CELF2: variants seen among roughly 807,000 people sequenced by gnomAD.
CELF2 encodes CUG triplet repeat RNA-binding protein 2.
CELF2 carries 8 observed loss-of-function variants against 62.6 expected under a neutral mutation model. That is an observed-to-expected ratio of 0.13 (90% confidence interval 0.07 to 0.23). The LOEUF is 0.23. Among genes scored for constraint, CELF2 ranks in the 10% least tolerant of loss-of-function variants. The pLI is 1.00. For synonymous variants in CELF2, 258 were observed against 250.0 expected, an observed-to-expected ratio of 1.03 and a Z score of -0.30; for missense variants, 333 against 671.0, an observed-to-expected ratio of 0.50 and a Z score of 5.56.
intron 1 of CELF2, among the ~76,000 whole-genome samples, chr10:11,061,986 A>T (rs1389595507): frequency 6.6e-6 from 1 of 152,126 alleles, no homozygotes; most frequent in African/African-American, 2.4e-5. Flanking sequence ...GTAATTTTGT[A>T]TTTTTAGTAG....
chr10:10,897,430 T>G (rs765976848), intron 1 of CELF2, among the ~76,000 whole-genome samples: 7 of 152,190 alleles, frequency 4.6e-5, no homozygotes, highest in Non-Finnish European at 8.8e-5. Context: ...TGTTTTCTCC[T>G]TATTGCTTAT....
At chr10:11,014,898 G>A (rs138011209), upstream of CELF2, among the ~76,000 whole-genome samples, 121 of 152,250 alleles carry the variant, frequency 7.9e-4, 2 homozygotes, top group Non-Finnish European at 1.5e-3. Flanking sequence ...AGAGCTTAAG[G>A]TTTTTCCACA....
the CELF2 span, among the ~76,000 whole-genome samples, chr10:10,610,106 A>C: frequency 6.6e-6 from 1 of 152,252 alleles, no homozygotes. Context: ...TAAGATAATT[A>C]GTTCAGGCTG....
chr10:10,676,885 C>G, the CELF2 span, among the ~76,000 whole-genome samples: 1 of 152,170 alleles, frequency 6.6e-6, no homozygotes, highest in Non-Finnish European at 1.5e-5. Context: ...CTTTTAGACT[C>G]TTAATAACCA....
chr10:11,222,730 C>T (rs1181221834), intron 3 of CELF2, among the ~76,000 whole-genome samples: 3 of 151,894 alleles, frequency 2.0e-5, no homozygotes, highest in South Asian at 2.1e-4. Flanking sequence ...AGTGAATGCC[C>T]GAATAAGTTA....
intron 1 of CELF2, among the ~76,000 whole-genome samples, chr10:11,142,063 A>G (rs922262900): frequency 1.3e-5 from 2 of 152,230 alleles, no homozygotes; most frequent in African/African-American, 4.8e-5. Context: ...TTGTTAAGTA[A>G]TACCTTAACC....
the CELF2 span, among the ~76,000 whole-genome samples, chr10:10,616,687 T>C: frequency 6.1e-5 from 8 of 132,222 alleles, no homozygotes; most frequent in African/African-American, 2.1e-4. Flanking sequence ...TGTGTGTGTG[T>C]GTGCGTGTGT....
At chr10:10,527,786 T>C in the CELF2 span, among the ~76,000 whole-genome samples, 1 of 152,206 alleles carries the variant, frequency 6.6e-6, no homozygotes, top group Non-Finnish European at 1.5e-5. Context: ...TTGACACCTT[T>C]GGAAGAAAAG....
At chr10:10,872,932 ACTTT>A (rs2060844932) in intron 1 of CELF2, among the ~76,000 whole-genome samples, 1 of 151,862 alleles carries the variant, frequency 6.6e-6, no homozygotes, top group Non-Finnish European at 1.5e-5. Context: ...TGGTTCCAGG[ACTTT>A]CTTTCTGGGT....
At chr10:11,014,843 T>TA (rs2057011239), upstream of CELF2, among the ~76,000 whole-genome samples, 1 of 152,160 alleles carries the variant, frequency 6.6e-6, no homozygotes, top group South Asian at 2.1e-4. Flanking sequence ...GCAAGTTGAT[T>TA]AAAAAAAGGA....
chr10:10,924,777 T>G (rs1170218420), intron 2 of CELF2, among the ~76,000 whole-genome samples: 5 of 127,414 alleles, frequency 3.9e-5, no homozygotes, highest in South Asian at 2.8e-4. Flanking sequence ...CATAATTCAA[T>G]CTAAGCAATT....
chr10:11,192,793 G>C (rs2076556885), intron 2 of CELF2, among the ~76,000 whole-genome samples: 1 of 152,178 alleles, frequency 6.6e-6, no homozygotes, highest in South Asian at 2.1e-4. Context: ...TTGAAACAGA[G>C]AAATACCAGT....
rs1468461637 is a variant in CELF2 at position 10,972,895 on chromosome 10, C to G, written c.89+52896C>G. 6.6e-6 allele frequency among the ~76,000 whole-genome samples: 1 copy of G among 152,094 alleles called. No individual in the cohort carries two copies. The highest frequency in any genetic ancestry group is 1.9e-4 in the East Asian group (1 of 5,194). On this transcript the variant is annotated intron_variant, in intron 2 of 13. Coordinates refer to the CELF2 transcript ENST00000636488. The surrounding 1 kb of genome is among the most constrained non-coding windows in gnomAD (Gnocchi z 4.4). Reference sequence around the variant, plus strand: ...CCTCCCTACATCATCAGCACTACAACGAAGGCACAACAGGATGATCACATG... The same window carrying G: ...CCTCCCTACATCATCAGCACTACAAGGAAGGCACAACAGGATGATCACATG...
the CELF2 span, among the ~76,000 whole-genome samples, chr10:10,587,552 A>T: frequency 2.0e-5 from 3 of 152,198 alleles, no homozygotes; most frequent in African/African-American, 7.2e-5. Context: ...TAAACATAAA[A>T]ATAGAATAAC....
At chr10:10,700,149 G>A in the CELF2 span, among the ~76,000 whole-genome samples, 2 of 152,156 alleles carry the variant, frequency 1.3e-5, no homozygotes, top group Admixed American at 6.5e-5. Context: ...TGTGTCCATT[G>A]CATCTCGATA....
At chr10:10,646,435 C>G in the CELF2 span, among the ~76,000 whole-genome samples, 1 of 152,224 alleles carries the variant, frequency 6.6e-6, no homozygotes, top group African/African-American at 2.4e-5. Context: ...ATCCATCAAG[C>G]TTCACTTGGT....
In CELF2 at chr10:11,211,805, AGAGAGAGAGTGTGTGT is replaced by A. The variant is rs1337524003; in HGVS notation, c.272-5618_272-5603del. Reference sequence around the variant, plus strand: ...GTGTATGTGTGTGAGAGAGAGAGAGAGAGAGAGAGTGTGTGTGTGTGTGTGTGTGTGTGTGTGTGTG... The same window carrying A: ...GTGTATGTGTGTGAGAGAGAGAGAGAGTGTGTGTGTGTGTGTGTGTGTGTG... On this transcript the variant is annotated intron_variant, in intron 2 of 12. Coordinates refer to ENST00000633077, the MANE Select transcript of CELF2 (RefSeq NM_001326342.2). The surrounding 1 kb of genome is among the most constrained non-coding windows in gnomAD (Gnocchi z 4.8). Among the ~76,000 whole-genome samples, 27 of 119,962 alleles carry A rather than the reference AGAGAGAGAGTGTGTGT, an allele frequency of 2.3e-4. No individual in the cohort carries two copies. Among genetic ancestry groups the A allele is most frequent in the Admixed American group, 1.5e-3 (18 of 11,994 alleles). The allele number at this position is 119,962 out of a possible 152,430, so 78.7% of individuals were successfully genotyped here. A position where few individuals can be genotyped will look rare whatever the true frequency, so the allele number is the denominator to read the frequency against.
chr10:11,089,482 G>C (rs2047721561), intron 1 of CELF2, among the ~76,000 whole-genome samples: 1 of 152,182 alleles, frequency 6.6e-6, no homozygotes, highest in South Asian at 2.1e-4. Flanking sequence ...ATTTAGAAGA[G>C]CAGGATGAGG....
the CELF2 span, among the ~76,000 whole-genome samples, chr10:10,631,815 A>C: frequency 1.3e-5 from 2 of 152,308 alleles, no homozygotes; most frequent in Admixed American, 6.5e-5. Context: ...AAATGGGAAA[A>C]GTATTGAGCA....
Sources: allele counts gnomAD v4.1 joint callset (sites outside exome capture counted in the v4.1 genomes callset), GRCh38; gene constraint gnomAD v4.1.1; non-coding constraint Gnocchi (gnomAD v3.1); transcripts MANE v1.5; gene names NCBI Gene and HGNC (gene_info 2026-07-23, HGNC 2026-07-21).